Variants in OR51B5 observed in about 807,000 individuals in gnomAD.
OR51B5 encodes the protein olfactory receptor family 51 subfamily B member 5.
For missense variants in OR51B5, 456 were observed against 374.6 expected (o/e 1.22, Z -1.79); for synonymous variants, 186 against 144.8 (o/e 1.28, Z -2.04).
intron 1 of OR51B5, among the ~76,000 whole-genome samples, chr11:5,485,843 T>C (rs996731963): frequency 1.3e-5 from 2 of 152,172 alleles, no homozygotes; most frequent in African/African-American, 2.4e-5. Context: ...CCCAAATTCA[T>C]ATGTCAAGGT....
At chr11:5,353,717 G>A (rs1849139033) in intron 1 of OR51B5, among the ~76,000 whole-genome samples, 1 of 152,174 alleles carries the variant, frequency 6.6e-6, no homozygotes, top group Non-Finnish European at 1.5e-5. Context: ...GACTACACAA[G>A]GGGCCACCCA....
intron 1 of OR51B5, among the ~76,000 whole-genome samples, chr11:5,381,761 T>C (rs2133718995): frequency 6.6e-6 from 1 of 152,320 alleles, no homozygotes; most frequent in South Asian, 2.1e-4. Context: ...CAATAAAGAA[T>C]CAAAAATGCT....
upstream of OR51B5, among the ~76,000 whole-genome samples, chr11:5,344,445 C>T (rs1848959167): frequency 6.6e-6 from 1 of 152,192 alleles, no homozygotes; most frequent in African/African-American, 2.4e-5. Flanking sequence ...TTCCTGGTTT[C>T]CTTCCCTTTA....
At chr11:5,453,502 A>T (rs756690972) in intron 1 of OR51B5, 1 of 1,553,662 alleles carries the variant, frequency 6.4e-7, no homozygotes, top group South Asian at 1.3e-5. Context: ...GGGTTGTTCA[A>T]TGTCACTCAC....
intron 1 of OR51B5, among the ~76,000 whole-genome samples, chr11:5,377,716 T>C (rs1402399073): frequency 1.3e-5 from 2 of 151,954 alleles, no homozygotes; most frequent in Non-Finnish European, 2.9e-5. Flanking sequence ...TCACAATTGC[T>C]TCAAAGAGAA....
exon 1 of OR51B5, chr11:5,343,214 G>A: frequency 6.2e-7 from 1 of 1,613,696 alleles, no homozygotes; most frequent in South Asian, 1.1e-5. Flanking sequence ...AAAGGAAAGT[G>A]AGTGTATAAA....
At chr11:5,410,326 T>C (rs1850127192) in intron 1 of OR51B5, among the ~76,000 whole-genome samples, 2 of 152,138 alleles carry the variant, frequency 1.3e-5, no homozygotes, top group Non-Finnish European at 2.9e-5. Flanking sequence ...GAGATATCAT[T>C]TGAGTTTTTA....
exon 1 of OR51B5, chr11:5,343,069 T>C (rs1419667888): frequency 1.2e-6 from 2 of 1,613,210 alleles, no homozygotes; most frequent in Non-Finnish European, 1.7e-6. Flanking sequence ...GAACAACGGA[T>C]ACAAATCCCC....
At chr11:5,408,673 A>G (rs1850098997) in intron 1 of OR51B5, among the ~76,000 whole-genome samples, 1 of 152,106 alleles carries the variant, frequency 6.6e-6, no homozygotes, top group Non-Finnish European at 1.5e-5. Flanking sequence ...TGTATCCAGA[A>G]AAAAAAGACC....
intron 1 of OR51B5, among the ~76,000 whole-genome samples, chr11:5,354,288 T>C (rs551801804): frequency 6.6e-6 from 1 of 152,222 alleles, no homozygotes. Context: ...AGAAAATCTT[T>C]CTTGACTCAC....
At chr11:5,499,216 T>A (rs1429428196) in intron 1 of OR51B5, among the ~76,000 whole-genome samples, 1 of 145,110 alleles carries the variant, frequency 6.9e-6, no homozygotes, top group Non-Finnish European at 1.5e-5. Flanking sequence ...TGTTTTAATG[T>A]GGAGATATGA....
chr11:5,430,625 A>T, intron 1 of OR51B5: 1 of 426,764 alleles, frequency 2.3e-6, no homozygotes, highest in Non-Finnish European at 4.8e-6. Flanking sequence ...TATGAATTTA[A>T]TGACAGTTCC....
Position 5,392,930 on chromosome 11 carries a change from A to G in OR51B5, n.85-46020T>C, listed in dbSNP as rs1367218310. ...CCTTCTCAAAAACAAAAAAAAAGAAAAATAAATAAATATCTGTGCTGTTAA... is the reference window on the plus strand; with the variant it reads ...CCTTCTCAAAAACAAAAAAAAAGAAGAATAAATAAATATCTGTGCTGTTAA... On this transcript the variant is annotated intron_variant and non_coding_transcript_variant, in intron 1 of 4. Coordinates refer to the OR51B5 transcript ENST00000415970. 5.4e-5 allele frequency: 3 copies of G among 55,710 alleles called. No individual in the cohort carries two copies. In the East Asian group the frequency reaches 8.0e-4, roughly 15 times the overall value. The allele number at this position is 55,710 out of a possible 1,614,324, so 3.5% of individuals were successfully genotyped here.
At chr11:5,356,982 A>C (rs1487214969) in intron 1 of OR51B5, among the ~76,000 whole-genome samples, 2 of 152,096 alleles carry the variant, frequency 1.3e-5, no homozygotes, top group Non-Finnish European at 2.9e-5. Flanking sequence ...GGAAGCACTA[A>C]ATATGGAAAG....
At chr11:5,363,370 C>T (rs1307722017) in intron 1 of OR51B5, among the ~76,000 whole-genome samples, 25 of 118,506 alleles carry the variant, frequency 2.1e-4, no homozygotes, top group Admixed American at 2.6e-4. Flanking sequence ...TTTTTTTTTA[C>T]TTCAAGCTAT....
intron 1 of OR51B5, among the ~76,000 whole-genome samples, chr11:5,432,494 T>C (rs974938916): frequency 4.6e-5 from 7 of 152,212 alleles, no homozygotes; most frequent in African/African-American, 1.7e-4. Flanking sequence ...CTATTCTTTC[T>C]GGTTGTAAGA....
At chr11:5,383,969 G>A (rs1849647839) in intron 1 of OR51B5, 1 of 152,132 alleles carries the variant, frequency 6.6e-6, no homozygotes, top group South Asian at 2.1e-4. Flanking sequence ...GTAATTAGGG[G>A]GACATGGGAG....
intron 1 of OR51B5, among the ~76,000 whole-genome samples, chr11:5,488,263 A>T (rs1338301090): frequency 6.6e-6 from 1 of 152,206 alleles, no homozygotes; most frequent in Non-Finnish European, 1.5e-5. Context: ...GGCCTCTGGG[A>T]AGCAGGGAAA....
At chr11:5,357,268 G>A (rs1053805520) in intron 1 of OR51B5, among the ~76,000 whole-genome samples, 9 of 151,946 alleles carry the variant, frequency 5.9e-5, no homozygotes, top group Admixed American at 2.6e-4. Flanking sequence ...TCAAAATAAA[G>A]GGATGGAGGA....
Sources: allele counts gnomAD v4.1 joint callset (sites outside exome capture counted in the v4.1 genomes callset), GRCh38; gene constraint gnomAD v4.1.1; transcripts MANE v1.5; gene names NCBI Gene and HGNC (gene_info 2026-07-23, HGNC 2026-07-21).